RIPK1: variants seen among roughly 807,000 people sequenced by gnomAD.
The protein encoded by RIPK1 is receptor interacting serine/threonine kinase 1.
Under a neutral mutation model 62.4 loss-of-function variants are expected in RIPK1, and 27 were observed. The ratio of observed to expected loss-of-function variants is 0.43; its 90% confidence interval spans 0.32 to 0.60. The LOEUF (loss-of-function observed/expected upper bound fraction) is 0.60, where lower values mean the gene tolerates loss of function less well. RIPK1 is among the 20% of genes least tolerant of loss of function. The pLI is 0.07. For missense variants in RIPK1, 735 were observed against 831.0 expected, an observed-to-expected ratio of 0.88 and a Z score of 1.42; for synonymous variants, 287 against 303.2, an observed-to-expected ratio of 0.95 and a Z score of 0.55.
In RIPK1 at chr6:3,113,234, G is replaced by A. The variant is rs748199482; in HGVS notation, c.1911G>A (p.Met637Ile). The A allele has an allele frequency of 3.7e-6, 6 of 1,613,998 alleles. No individual in the cohort carries two copies. The African/African-American group carries it at 5.3e-5, about 14-fold the overall frequency. Residue 637 changes from methionine to isoleucine, a missense_variant, in exon 11 of 11, where the codon ATG becomes ATA. By Grantham distance (10) the Met-to-Ile change is conservative (BLOSUM62 1). This residue lies in a region of RIPK1 where 64 missense variants were observed against 104.8 expected (regional missense o/e 0.61). Coordinates refer to ENST00000259808, the MANE Select transcript of RIPK1 (RefSeq NM_001354930.2). The surrounding 1 kb of genome is among the most constrained non-coding windows in gnomAD (Gnocchi z 5.0). ...KVYQMLQKWV[M>I]REGIKGATVG... is the part of the protein sequence containing the mutation. ...ACCAGATGCTCCAAAAGTGGGTGAT[G>A]AGGGAAGGCATAAAGGGAGCCACGG...
In RIPK1 at chr6:3,113,278, C is replaced by G; in HGVS notation, c.1955C>G (p.Ala652Gly). Residue 652 changes from alanine to glycine, a missense_variant, in exon 11 of 11, where the codon GCG becomes GGG. Transcript: ENST00000259808. The surrounding 1 kb of genome is among the most constrained non-coding windows in gnomAD (Gnocchi z 5.0). ...KGATVGKLAQ[A>G]LHQCSRIDLL... ...GCCACGGTGGGGAAGCTGGCCCAGG[C>G]GCTCCACCAGTGTTCCAGGATCGAC... 6.2e-7 allele frequency: 1 copy of G among 1,614,104 alleles called. No homozygotes were observed. The highest frequency in any genetic ancestry group is 8.5e-7 in the Non-Finnish European group (1 of 1,180,000).
At chr6:3,099,334 G>A (rs1760480706) in intron 7 of RIPK1, among the ~76,000 whole-genome samples, 3 of 152,220 alleles carry the variant, frequency 2.0e-5, no homozygotes, top group Non-Finnish European at 4.4e-5. Flanking sequence ...CACGAGATCA[G>A]GAGATCGAGA....
upstream of RIPK1, among the ~76,000 whole-genome samples, chr6:3,066,945 G>A (rs1453501875): frequency 1.3e-5 from 2 of 150,954 alleles, no homozygotes; most frequent in Non-Finnish European, 2.9e-5. Context: ...TACTATCTCC[G>A]TAGTTTTTCC....
chr6:3,083,217 C>T lies in RIPK1; in HGVS notation c.592C>T (p.Leu198=). The T allele has an allele frequency of 6.2e-7, 1 of 1,614,026 alleles. No homozygotes were observed. Among genetic ancestry groups the T allele is most frequent in the Non-Finnish European group, 8.5e-7 (1 of 1,180,004 alleles). The part of the protein sequence containing the change: ...GTLYYMAPEH[L]NDVNAKPTEK... ...CCTCTACTACATGGCGCCCGAGCACCTGAATGACGTCAACGCAAAGCCCAC... is the reference window on the plus strand; with the variant it reads ...CCTCTACTACATGGCGCCCGAGCACTTGAATGACGTCAACGCAAAGCCCAC... The change falls in exon 5 of 11, where the codon CTG becomes TTG. Residue 198 remains leucine, a synonymous_variant. Coordinates refer to ENST00000259808, the MANE Select transcript of RIPK1 (RefSeq NM_001354930.2).
At chr6:3,081,154 A>G (rs763923124) in intron 4 of RIPK1, 38 bp downstream of exon 4, 17 of 1,605,192 alleles carry the variant, frequency 1.1e-5, no homozygotes, top group Admixed American at 1.7e-5. Context: ...AAGTTGGGTG[A>G]TTTTAGTTTT....
At chr6:3,082,627 ATGGGCCTC>A (rs1228228656) in intron 4 of RIPK1, among the ~76,000 whole-genome samples, 24 of 152,308 alleles carry the variant, frequency 1.6e-4, no homozygotes, top group African/African-American at 5.8e-4. Context: ...ACTTGCATCC[ATGGGCCTC>A]TGGACGCCAT....
intron 9 of RIPK1, among the ~76,000 whole-genome samples, chr6:3,110,244 A>T: frequency 7.2e-6 from 1 of 138,018 alleles, no homozygotes; most frequent in Non-Finnish European, 1.5e-5. Flanking sequence ...CTCTCACTCT[A>T]TCACCAGGCT....
intron 7 of RIPK1, among the ~76,000 whole-genome samples, chr6:3,094,583 A>G (rs1272743459): frequency 2.1e-5 from 3 of 141,184 alleles, no homozygotes; most frequent in East Asian, 2.0e-4. Flanking sequence ...AATATTTCAT[A>G]TATATATATA....
At chr6:3,089,500 T>C (rs766007863) in intron 6 of RIPK1, 81 bp from the exon 7 acceptor site, 32 of 750,404 alleles carry the variant, frequency 4.3e-5, no homozygotes, top group Non-Finnish European at 6.6e-5. Context: ...AGGTAAGTAA[T>C]TCAAAGATAA....
At chr6:3,073,481 T>C (rs1758870929) in intron 1 of RIPK1, among the ~76,000 whole-genome samples, 3 of 152,254 alleles carry the variant, frequency 2.0e-5, no homozygotes, top group Admixed American at 6.5e-5. Context: ...CTCGGAGCTA[T>C]GGCTCCTGGT....
intron 7 of RIPK1, among the ~76,000 whole-genome samples, chr6:3,097,473 A>G (rs17513465): frequency 1.3e-5 from 2 of 152,228 alleles, no homozygotes; most frequent in African/African-American, 4.8e-5. Flanking sequence ...CAGAGATGGC[A>G]CTGTAGAGCA....
At chr6:3,080,802 C>CG (rs1759334488) in intron 3 of RIPK1, among the ~76,000 whole-genome samples, 177 bp from the exon 4 acceptor site, 1 of 151,050 alleles carries the variant, frequency 6.6e-6, no homozygotes, top group African/African-American at 2.4e-5. Context: ...ACCCTCTGCC[C>CG]CCCCCCGAAT....
chr6:3,089,590 A>T lies in RIPK1; in HGVS notation c.848A>T (p.Glu283Val). The T allele has an allele frequency of 6.6e-7, 1 of 1,510,690 alleles. No homozygotes were observed. The highest frequency in any genetic ancestry group is 9.2e-7 in the Non-Finnish European group (1 of 1,092,444). The allele number at this position is 1,510,690 out of a possible 1,614,324, so 93.6% of individuals were successfully genotyped here. The change falls in exon 7 of 11, where the codon GAA becomes GTA. Residue 283 changes from glutamate to valine, a missense_variant. By Grantham distance (121) the Glu-to-Val change is moderately radical (BLOSUM62 -2). Transcript: ENST00000259808. The part of the protein sequence containing the change: ...EARPTFPGIE[E>V]KFRPFYLSQL... ...CATTTTACTTTTACAGGCATTGAAG[A>T]AAAATTTAGGCCTTTTTATTTAAGT...
intron 1 of RIPK1, among the ~76,000 whole-genome samples, chr6:3,075,500 A>G (rs1188959021): frequency 6.6e-6 from 1 of 152,164 alleles, no homozygotes; most frequent in African/African-American, 2.4e-5. Flanking sequence ...TTTTGTTCAT[A>G]ATTACTTAAA....
chr6:3,089,614 G>C lies in RIPK1; in HGVS notation c.872G>C (p.Ser291Thr). The C allele has an allele frequency of 6.3e-7, 1 of 1,582,612 alleles. No individual in the cohort carries two copies. ...GAAAAATTTAGGCCTTTTTATTTAA[G>C]TCAATTAGAAGAAAGTGTAGAAGAG... Reference protein sequence around the residue: ...IEEKFRPFYLSQLEESVEEDV... With the variant: ...IEEKFRPFYLTQLEESVEEDV... The change falls in exon 7 of 11, where the codon AGT (serine) becomes ACT (threonine). Residue 291 changes from serine (S) to threonine (T), a missense_variant. Transcript: ENST00000259808.
chr6:3,069,026 T>C (rs958366253), intron 1 of RIPK1: 1 of 152,216 alleles, frequency 6.6e-6, no homozygotes, highest in African/African-American at 2.4e-5. Flanking sequence ...TAGGTGTCTC[T>C]GCTTATCCGG....
Position 3,105,659 on chromosome 6 carries a change from C to T in RIPK1, c.1184C>T (p.Thr395Met), listed in dbSNP as rs368085162. Residue 395 changes from threonine (T) to methionine (M), a missense_variant, in exon 9 of 11, where the codon ACG (threonine) becomes ATG (methionine). Coordinates refer to ENST00000259808, the MANE Select transcript of RIPK1 (RefSeq NM_001354930.2). The surrounding 1 kb of genome is among the most constrained non-coding windows in gnomAD (Gnocchi z 4.5). The part of the protein sequence containing the change: ...HLYGSRMDRQ[T>M]KQQPRQNVAY... ...TATGGCAGCCGCATGGACAGGCAGA[C>T]GAAACAGCAGCCCAGACAGAATGTG... 55 of 1,613,678 alleles carry T rather than the reference C, an allele frequency of 3.4e-5. No individual in the cohort carries two copies. Among genetic ancestry groups the T allele is most frequent in the African/African-American group, 1.2e-4 (9 of 74,850 alleles).
In RIPK1 at chr6:3,077,858, A is replaced by G. The variant is rs766375245; in HGVS notation, c.244A>G (p.Ile82Val). 1.9e-6 allele frequency: 3 copies of G among 1,614,116 alleles called. No homozygotes were observed. Among genetic ancestry groups the G allele is most frequent in the South Asian group, 2.2e-5 (2 of 91,094 alleles). The change falls in exon 3 of 11, where the codon ATC (isoleucine) becomes GTC (valine). Residue 82 changes from isoleucine to valine, a missense_variant. Around this residue, in one of 2 missense-constraint regions of RIPK1, gnomAD observed 671 missense variants for 726.2 expected, o/e 0.92. Transcript: ENST00000259808. ...HSRVVKLLGV[I>V]IEEGKYSLVM... ...CCGGGTGGTGAAGCTCCTGGGCGTC[A>G]TCATAGAGGAAGGGAAGTACTCCCT...
At chr6:3,093,999 G>A (rs1442942438) in intron 7 of RIPK1, among the ~76,000 whole-genome samples, 1 of 131,370 alleles carries the variant, frequency 7.6e-6, no homozygotes, top group Non-Finnish European at 1.6e-5. Flanking sequence ...CCTACCTGCC[G>A]CACCTAGTAA....
Sources: gnomAD v4.1 joint callset for allele counts (sites outside exome capture counted in the v4.1 genomes callset) on GRCh38, gnomAD v4.1.1 for gene constraint, gnomAD v4.1.1 regional missense constraint, Gnocchi (gnomAD v3.1) non-coding constraint, MANE v1.5 for transcripts, NCBI Gene and HGNC (gene_info 2026-07-23, HGNC 2026-07-21) for gene names.